The following MAP6 variants were observed in gnomAD, a reference collection of about 807,000 sequenced individuals.
MAP6 encodes microtubule associated protein 6.
In MAP6, 26 loss-of-function variants were observed where a neutral mutation model predicts 42.4. That is an observed-to-expected ratio of 0.61 (90% confidence interval 0.45 to 0.85). The LOEUF is 0.85. Ranked by LOEUF, MAP6 falls within the 40% of genes least tolerant of loss-of-function variation. MAP6 has a pLI of 0.00. For synonymous variants in MAP6, 418 were observed against 443.8 expected (o/e 0.94, Z 0.73); for missense variants, 966 against 1,099.0 (o/e 0.88, Z 1.71).
intron 1 of MAP6, among the ~76,000 whole-genome samples, chr11:75,645,109 AC>A (rs1450403932): frequency 6.6e-6 from 1 of 152,134 alleles, no homozygotes; most frequent in African/African-American, 2.4e-5. Context: ...CAATGAAGGC[AC>A]CTCTGAGTCA....
At chr11:75,607,794 G>A (rs1942807440) in intron 2 of MAP6, 1 of 426,646 alleles carries the variant, frequency 2.3e-6, no homozygotes, top group African/African-American at 2.2e-5. Flanking sequence ...AAGACAAGGG[G>A]ATTTAGGGCT....
At chr11:75,651,471 T>C (rs1382130281) in intron 1 of MAP6, among the ~76,000 whole-genome samples, 2 of 152,198 alleles carry the variant, frequency 1.3e-5, no homozygotes, top group Admixed American at 1.3e-4. Context: ...TGCTAGATCC[T>C]GGCATGTTGA....
chr11:75,598,298 G>A (rs1031687182), intron 3 of MAP6, among the ~76,000 whole-genome samples: 3 of 152,200 alleles, frequency 2.0e-5, no homozygotes, highest in Non-Finnish European at 2.9e-5. Context: ...CAGGCCTGTT[G>A]GTTATAATCC....
intron 1 of MAP6, among the ~76,000 whole-genome samples, chr11:75,621,095 C>T (rs1304447216): frequency 2.6e-5 from 4 of 151,194 alleles, no homozygotes; most frequent in African/African-American, 9.7e-5. Flanking sequence ...TGTGCCACTG[C>T]ACTCCAGCCT....
intron 3 of MAP6, among the ~76,000 whole-genome samples, chr11:75,591,157 A>G (rs1412555197): frequency 6.6e-6 from 1 of 152,198 alleles, no homozygotes; most frequent in African/African-American, 2.4e-5. Flanking sequence ...ACAGTTTTAC[A>G]CATTTTTAAA....
At chr11:75,608,392 C>A in intron 1 of MAP6, 70 bp from the exon 2 acceptor site, 1 of 1,252,770 alleles carries the variant, frequency 8.0e-7, no homozygotes, top group East Asian at 2.3e-5. Context: ...TGACACAGGG[C>A]TGCAAACACA....
At chr11:75,633,397 G>C (rs1033257795) in intron 1 of MAP6, among the ~76,000 whole-genome samples, 1 of 152,226 alleles carries the variant, frequency 6.6e-6, no homozygotes, top group East Asian at 1.9e-4. Context: ...GCTAGTGAGA[G>C]ATGCTAAAAA....
At chr11:75,645,364 G>A (rs557426074) in intron 1 of MAP6, among the ~76,000 whole-genome samples, 14 of 152,090 alleles carry the variant, frequency 9.2e-5, no homozygotes, top group Admixed American at 2.6e-4. Context: ...GGATGGAGTC[G>A]GGGAACCTGC....
intron 1 of MAP6, chr11:75,642,740 G>A (rs1943494381): frequency 3.3e-6 from 1 of 300,234 alleles, no homozygotes; most frequent in Non-Finnish European, 7.2e-6. Flanking sequence ...ACAACAGAAA[G>A]TATAGCTGGA....
chr11:75,588,977 T>G (rs1942425965), intron 3 of MAP6, among the ~76,000 whole-genome samples: 1 of 152,130 alleles, frequency 6.6e-6, no homozygotes, highest in Non-Finnish European at 1.5e-5. Context: ...TTAGCTTTAT[T>G]GCTTTAAATT....
At chr11:75,611,048 C>G (rs150426473) in intron 1 of MAP6, among the ~76,000 whole-genome samples, 47 of 152,262 alleles carry the variant, frequency 3.1e-4, no homozygotes, top group African/African-American at 9.9e-4. Flanking sequence ...ACTTCTGAAC[C>G]ATTTTGGCCC....
At chr11:75,635,222 G>A (rs2135642255) in intron 1 of MAP6, among the ~76,000 whole-genome samples, 1 of 152,308 alleles carries the variant, frequency 6.6e-6, no homozygotes. Flanking sequence ...AACAGAGCCG[G>A]CCTGAAGTCC....
chr11:75,604,791 C>G, intron 3 of MAP6: 1 of 985,494 alleles, frequency 1.0e-6, no homozygotes, highest in Non-Finnish European at 1.2e-6. Flanking sequence ...TAGTCTGCAG[C>G]TAAGTCACAG....
intron 1 of MAP6, among the ~76,000 whole-genome samples, chr11:75,610,468 T>C (rs1942876102): frequency 6.6e-6 from 1 of 152,336 alleles, no homozygotes; most frequent in East Asian, 1.9e-4. Flanking sequence ...GAAAAGGCCC[T>C]GTGGGGACCA....
chr11:75,614,394 C>T (rs1421675251), intron 1 of MAP6, among the ~76,000 whole-genome samples: 1 of 152,124 alleles, frequency 6.6e-6, no homozygotes, highest in Non-Finnish European at 1.5e-5. Flanking sequence ...CTTGAGGACT[C>T]ACTTCTAACA....
intron 1 of MAP6, among the ~76,000 whole-genome samples, chr11:75,663,111 C>G (rs1943884340): frequency 6.6e-6 from 1 of 151,338 alleles, no homozygotes; most frequent in African/African-American, 2.4e-5. Flanking sequence ...ACAGGCGCAC[C>G]CCACCACGCC....
intron 1 of MAP6, among the ~76,000 whole-genome samples, chr11:75,626,623 C>A (rs1943201776): frequency 1.3e-5 from 2 of 152,210 alleles, no homozygotes; most frequent in East Asian, 3.8e-4. Flanking sequence ...TGAGTGCCTG[C>A]AGCAATTATA....
intron 1 of MAP6, among the ~76,000 whole-genome samples, chr11:75,632,718 C>T (rs1346526273): frequency 2.0e-5 from 3 of 152,158 alleles, no homozygotes; most frequent in Non-Finnish European, 4.4e-5. Context: ...TTAGAACTAA[C>T]CACTATTGTT....
In MAP6 at chr11:75,668,161, T is replaced by A; in HGVS notation, c.209A>T (p.Gln70Leu). The change falls in exon 1 of 4, where the codon CAG becomes CTG. Residue 70 changes from glutamine (Q) to leucine (L), a missense_variant. This residue lies in a region of MAP6 where 943 missense variants were observed against 1,049.9 expected (regional missense o/e 0.90). Coordinates refer to ENST00000304771, the MANE Select transcript of MAP6 (RefSeq NM_033063.2). The stretch of plus-strand genomic sequence containing the variant: ...TGCATCCAACTCGCCCTGGGCTGGC[T>A]GCGTCTCTATGGCAACCGCGCGCGC... The part of the protein sequence containing the change: ...PSARAVAIET[Q>L]PAQGELDAVA... 1 of 1,218,094 alleles carries A rather than the reference T, an allele frequency of 8.2e-7. No homozygotes were observed. The highest frequency in any genetic ancestry group is 1.0e-6 in the Non-Finnish European group (1 of 985,918). The allele number at this position is 1,218,094 out of a possible 1,614,324, so 75.5% of individuals were successfully genotyped here.
Sources: gnomAD v4.1 joint callset for allele counts (sites outside exome capture counted in the v4.1 genomes callset) on GRCh38, gnomAD v4.1.1 for gene constraint, gnomAD v4.1.1 regional missense constraint, MANE v1.5 for transcripts, NCBI Gene and HGNC (gene_info 2026-07-23, HGNC 2026-07-21) for gene names.